The following STIM2 variants were observed in gnomAD, a reference collection of about 807,000 sequenced individuals.
The protein encoded by STIM2 is stromal interaction molecule 2.
A neutral mutation model predicts 85.8 loss-of-function variants in STIM2; 31 were observed. That is an observed-to-expected ratio of 0.36 (90% CI 0.27 to 0.49). The LOEUF is 0.49. Among genes scored for constraint, STIM2 ranks in the 20% least tolerant of loss-of-function variants. STIM2 has a pLI of 0.98. For missense variants in STIM2, 841 were observed against 927.6 expected (o/e 0.91, Z 1.21); for synonymous variants, 356 against 331.1 (o/e 1.08, Z -0.82).
At chr4:26,866,525 T>A (rs932386691) in intron 1 of STIM2, among the ~76,000 whole-genome samples, 1 of 152,162 alleles carries the variant, frequency 6.6e-6, no homozygotes, top group Non-Finnish European at 1.5e-5. Flanking sequence ...TGGAGATAAG[T>A]GAAAAGGCTT....
At chr4:26,969,995 T>C (rs1330478007) in intron 3 of STIM2, among the ~76,000 whole-genome samples, 1 of 136,934 alleles carries the variant, frequency 7.3e-6, no homozygotes, top group African/African-American at 2.8e-5. Flanking sequence ...TTGAGCAGTT[T>C]GTCTAAGTCT....
At chr4:27,005,437 A>G (rs957291502) in intron 7 of STIM2, among the ~76,000 whole-genome samples, 23 of 152,220 alleles carry the variant, frequency 1.5e-4, no homozygotes, top group African/African-American at 5.5e-4. Context: ...GGGTCTAGAA[A>G]AGAAGTTTTC....
intron 3 of STIM2, among the ~76,000 whole-genome samples, chr4:26,991,355 T>G (rs1386574147): frequency 2.0e-5 from 3 of 152,038 alleles, no homozygotes; most frequent in Non-Finnish European, 4.4e-5. Context: ...ACGTTCTTCC[T>G]CAGATATAGG....
intron 3 of STIM2, among the ~76,000 whole-genome samples, chr4:26,985,844 A>G (rs1460244514): frequency 1.3e-5 from 2 of 152,238 alleles, no homozygotes; most frequent in Non-Finnish European, 2.9e-5. Context: ...GAATGACATT[A>G]CTAATGTTTT....
intron 2 of STIM2, among the ~76,000 whole-genome samples, chr4:26,928,898 A>T (rs960960596): frequency 5.3e-5 from 8 of 152,196 alleles, no homozygotes; most frequent in Non-Finnish European, 1.0e-4. Context: ...TAAAAACAGA[A>T]GATGATATCT....
In STIM2 at chr4:27,019,321, A is replaced by G; in HGVS notation, c.1763+1337A>G. 6 of 731,282 alleles carry G rather than the reference A, an allele frequency of 8.2e-6. No individual in the cohort carries two copies. The South Asian group carries it at 8.6e-5, about 10-fold the overall frequency. The allele number at this position is 731,282 out of a possible 1,614,324, so 45.3% of individuals were successfully genotyped here. ...CCTAAGGAGATAATGCAGGCTTTAT[A>G]TCTTCATTGCAGTTGGAGAATCTGA... On this transcript the variant is annotated intron_variant, in intron 11 of 11. Transcript: ENST00000467087.
chr4:26,960,413 T>A (rs1726406388), intron 3 of STIM2, among the ~76,000 whole-genome samples: 1 of 152,056 alleles, frequency 6.6e-6, no homozygotes, highest in African/African-American at 2.4e-5. Flanking sequence ...CACACACACA[T>A]ACATACACAT....
chr4:26,912,366 T>A (rs970032171), intron 1 of STIM2, among the ~76,000 whole-genome samples: 4 of 152,216 alleles, frequency 2.6e-5, no homozygotes, highest in African/African-American at 7.2e-5. Flanking sequence ...TTAAATAATA[T>A]TATAGGAGGG....
intron 1 of STIM2, among the ~76,000 whole-genome samples, chr4:26,909,607 A>G (rs1724257871): frequency 6.6e-6 from 1 of 152,204 alleles, no homozygotes; most frequent in South Asian, 2.1e-4. Context: ...TAGTGTTGAT[A>G]TAGTTAAGAT....
chr4:26,978,185 A>T (rs777430230), intron 3 of STIM2, among the ~76,000 whole-genome samples: 3 of 151,406 alleles, frequency 2.0e-5, no homozygotes, highest in Non-Finnish European at 4.4e-5. Flanking sequence ...ATGAAGGGAG[A>T]TAATGTTGTG....
At chr4:26,988,177 T>TA (rs1727646922) in intron 3 of STIM2, among the ~76,000 whole-genome samples, 1 of 152,140 alleles carries the variant, frequency 6.6e-6, no homozygotes, top group Admixed American at 6.5e-5. Context: ...CTGTGTTAGG[T>TA]AAAATAACAA....
chr4:27,009,120 T>C (rs1728474027), intron 10 of STIM2, 118 bp downstream of exon 10: 2 of 758,758 alleles, frequency 2.6e-6, no homozygotes, highest in African/African-American at 1.8e-5. Flanking sequence ...TATCCTTCAT[T>C]TTCTCTTTCT....
intron 2 of STIM2, among the ~76,000 whole-genome samples, chr4:26,923,326 C>T (rs1187877376): frequency 1.3e-5 from 2 of 151,974 alleles, no homozygotes; most frequent in African/African-American, 4.8e-5. Context: ...CGCCTCTCCT[C>T]CTCCAAAGGA....
intron 2 of STIM2, among the ~76,000 whole-genome samples, chr4:26,939,404 C>CAA (rs1725515513): frequency 6.6e-6 from 1 of 152,120 alleles, no homozygotes; most frequent in African/African-American, 2.4e-5. Flanking sequence ...TTGGTACTAC[C>CAA]AAATATTGAT....
chr4:26,917,626 C>A (rs1284773198), intron 1 of STIM2, among the ~76,000 whole-genome samples: 1 of 152,060 alleles, frequency 6.6e-6, no homozygotes, highest in Non-Finnish European at 1.5e-5. Flanking sequence ...TCATGTTGCT[C>A]CTAATTTCTC....
chr4:26,991,380 A>G (rs1185045853), intron 3 of STIM2, among the ~76,000 whole-genome samples: 3 of 152,082 alleles, frequency 2.0e-5, no homozygotes, highest in Admixed American at 6.6e-5. Context: ...AAAAAAGTGG[A>G]TTTTATGGAA....
intron 1 of STIM2, among the ~76,000 whole-genome samples, chr4:26,898,734 A>G (rs796842565): frequency 7.9e-5 from 12 of 152,276 alleles, no homozygotes; most frequent in African/African-American, 2.9e-4. Flanking sequence ...AGAAGACACC[A>G]ATGGGATATT....
intron 1 of STIM2, among the ~76,000 whole-genome samples, chr4:26,888,522 AC>A: frequency 6.6e-6 from 1 of 152,342 alleles, no homozygotes; most frequent in Middle Eastern, 3.4e-3. Flanking sequence ...CATAACAGTT[AC>A]AGTTTTCTGT....
intron 1 of STIM2, among the ~76,000 whole-genome samples, chr4:26,889,101 G>GT (rs1723366707): frequency 1.3e-5 from 2 of 152,192 alleles, no homozygotes; most frequent in Non-Finnish European, 2.9e-5. Flanking sequence ...AATTTCGCTA[G>GT]TGAAACAATA....
Sources: gnomAD v4.1 joint callset for allele counts (sites outside exome capture counted in the v4.1 genomes callset) on GRCh38, gnomAD v4.1.1 for gene constraint, MANE v1.5 for transcripts, NCBI Gene and HGNC (gene_info 2026-07-23, HGNC 2026-07-21) for gene names.